The following SPI1 variants were observed in gnomAD, a reference collection of about 807,000 sequenced individuals.
SPI1 encodes Spi-1 proto-oncogene.
SPI1 carries 3 observed loss-of-function variants against 30.7 expected under a neutral mutation model. The ratio of observed to expected loss-of-function variants is 0.10; its 90% confidence interval spans 0.04 to 0.25. SPI1 has a LOEUF of 0.25. SPI1 is among the 10% of genes least tolerant of loss of function. The pLI, the probability that SPI1 is intolerant of heterozygous loss-of-function variation, is 1.00. For synonymous variants in SPI1, 169 were observed against 157.1 expected (o/e 1.08, Z -0.56); for missense variants, 261 against 371.5 (o/e 0.70, Z 2.45).
At position 47,358,971 on chromosome 11, in the gene SPI1, T is replaced by C. The variant is rs1427760269; in HGVS notation, c.366A>G (p.Pro122=). 4 of 1,551,608 alleles carry C rather than the reference T, an allele frequency of 2.6e-6. No homozygotes were observed. Among genetic ancestry groups the C allele is most frequent in the Non-Finnish European group, 3.5e-6 (4 of 1,148,984 alleles). Residue 122 remains proline (P), a synonymous_variant, in exon 4 of 5, where the codon CCA becomes CCG. Transcript: ENST00000378538. ...SYLPRMCLQY[P]SLSPAQPSSD... ...AGCTGGGCTGGGCTGGGGACAGGGA[T>C]GGGTACTGGAGGCACATCCGGGGCA...
chr11:47,370,008 G>T (rs2142894134), intron 2 of SPI1, among the ~76,000 whole-genome samples: 1 of 152,338 alleles, frequency 6.6e-6, no homozygotes, highest in Non-Finnish European at 1.5e-5. Flanking sequence ...TGGAGATCTT[G>T]CCCATGGTCA....
chr11:47,360,242 G>A (rs1246638744), intron 2 of SPI1, among the ~76,000 whole-genome samples: 3 of 152,142 alleles, frequency 2.0e-5, no homozygotes, highest in Admixed American at 1.3e-4. Flanking sequence ...CATGCCCAAG[G>A]TCAAAAGCAT....
intron 4 of SPI1, chr11:47,358,600 C>G: frequency 2.8e-6 from 2 of 704,292 alleles, no homozygotes; most frequent in Non-Finnish European, 5.2e-6. Context: ...TACACACACT[C>G]ATGGCACAGA....
chr11:47,361,192 G>GTC (rs1376065297), intron 2 of SPI1, among the ~76,000 whole-genome samples: 1 of 152,094 alleles, frequency 6.6e-6, no homozygotes. Flanking sequence ...GCTGCCCACA[G>GTC]TCTCTCTCTC....
intron 2 of SPI1, among the ~76,000 whole-genome samples, chr11:47,371,867 C>G (rs1565643922): frequency 2.0e-5 from 3 of 152,130 alleles, no homozygotes; most frequent in Non-Finnish European, 4.4e-5. Flanking sequence ...CCCTTTCTGT[C>G]CCCTGCCCTG....
At chr11:47,355,568 G>A in intron 4 of SPI1, 22 bp from the exon 5 acceptor site, 5 of 1,549,220 alleles carry the variant, frequency 3.2e-6, no homozygotes, top group Non-Finnish European at 4.4e-6. Flanking sequence ...AGGGCCCGGT[G>A]GGAGGGGGCC....
intron 2 of SPI1, among the ~76,000 whole-genome samples, chr11:47,369,905 G>C (rs2095933409): frequency 6.6e-6 from 1 of 152,214 alleles, no homozygotes; most frequent in Non-Finnish European, 1.5e-5. Context: ...TCCAGGCACT[G>C]TTCTAAGCAT....
intron 2 of SPI1, among the ~76,000 whole-genome samples, chr11:47,362,584 T>TG (rs1029255940): frequency 2.0e-5 from 3 of 147,556 alleles, no homozygotes; most frequent in African/African-American, 7.5e-5. Flanking sequence ...TTTTTTTTTT[T>TG]TTTTTTTCTC....
intron 4 of SPI1, 135 bp downstream of exon 4, chr11:47,358,709 A>G: frequency 1.1e-6 from 1 of 902,776 alleles, no homozygotes; most frequent in Non-Finnish European, 1.8e-6. Flanking sequence ...CACAAAACAC[A>G]CACACTGGCA....
chr11:47,369,260 A>G (rs553143948), intron 2 of SPI1, among the ~76,000 whole-genome samples: 59 of 152,292 alleles, frequency 3.9e-4, no homozygotes, highest in African/African-American at 1.3e-3. Flanking sequence ...AAAAAAGCAA[A>G]CAAACAAACA....
intron 4 of SPI1, 40 bp downstream of exon 4, chr11:47,358,804 G>C (rs146054989): frequency 6.5e-7 from 1 of 1,544,898 alleles, no homozygotes; most frequent in Non-Finnish European, 8.7e-7. Context: ...GCACAGACAC[G>C]GCCAGGGTCG....
chr11:47,367,899 A>C (rs1195378391), intron 2 of SPI1, among the ~76,000 whole-genome samples: 1 of 151,640 alleles, frequency 6.6e-6, no homozygotes, highest in African/African-American at 2.4e-5. Context: ...CTGGGACTAC[A>C]GGCACCCACC....
At position 47,359,795 on chromosome 11, in the gene SPI1, C is replaced by T. The variant is rs1341190459; in HGVS notation, c.330+58G>A. On this transcript the variant is annotated intron_variant, in intron 3 of 4. Transcript: ENST00000378538. The surrounding 1 kb of genome is among the most constrained non-coding windows in gnomAD (Gnocchi z 5.1). ...CTGTGTCAGCTTCCTGTGAAGCTCC[C>T]GGGCCCCACCACAGGCCTGGCAGTC... is the stretch of plus-strand genomic sequence containing the variant. 27 of 1,567,572 alleles carry T rather than the reference C, an allele frequency of 1.7e-5. No homozygotes were observed. The highest frequency in any genetic ancestry group is 4.5e-5 in the East Asian group (2 of 44,410).
chr11:47,372,572 C>G (rs937202223), intron 2 of SPI1, among the ~76,000 whole-genome samples: 1 of 151,776 alleles, frequency 6.6e-6, no homozygotes, highest in East Asian at 1.9e-4. Context: ...GCAGGATGGA[C>G]GAGTAGGTGG....
At position 47,359,937 on chromosome 11, in the gene SPI1, C is replaced by T; in HGVS notation, c.246G>A (p.Gln82=). 6.2e-7 allele frequency: 1 copy of T among 1,611,746 alleles called. No individual in the cohort carries two copies. The highest frequency in any genetic ancestry group is 1.3e-5 in the African/African-American group (1 of 75,010). Reference sequence around the variant, plus strand: ...CCAGCTCCATGTGGCGGTAGAGCTGCTGCAGCTGCGGGGGCTGCACGCTCT... The same window carrying T: ...CCAGCTCCATGTGGCGGTAGAGCTGTTGCAGCTGCGGGGGCTGCACGCTCT... ...ELQSVQPPQL[Q]QLYRHMELEQ... is the part of the protein sequence containing the mutation. Residue 82 remains glutamine (Q), a synonymous_variant, in exon 3 of 5, where the codon CAG becomes CAA. Transcript: ENST00000378538. This position sits in a 1 kb window ranked among gnomAD's most constrained non-coding sequence, Gnocchi z 5.1.
rs779182724 is a variant in SPI1, at chr11:47,378,504, C to A, written c.-151G>T. 2.2e-4 allele frequency: 165 copies of A among 745,976 alleles called. No homozygotes were observed. The highest frequency in any genetic ancestry group is 6.0e-4 in the Admixed American group (23 of 38,338). 46.2% of individuals were successfully genotyped at this position (745,976 alleles called of 1,614,324 possible). On this transcript the variant is annotated 5_prime_UTR_variant, in exon 1 of 5. Coordinates refer to ENST00000378538, the MANE Select transcript of SPI1 (RefSeq NM_003120.3). Reference sequence around the variant, plus strand: ...CTGAGCTACAGGAGCCCTGGGTGAGCCCCCTCCCTTGACATTGCAGGGCCA... The same window carrying A: ...CTGAGCTACAGGAGCCCTGGGTGAGACCCCTCCCTTGACATTGCAGGGCCA...
intron 1 of SPI1, among the ~76,000 whole-genome samples, chr11:47,376,700 CAG>C (rs2095942869): frequency 6.6e-6 from 1 of 152,094 alleles, no homozygotes; most frequent in Non-Finnish European, 1.5e-5. Flanking sequence ...GGCACAGACA[CAG>C]GGCCGTGCAC....
In SPI1 at chr11:47,359,119, C is replaced by T; in HGVS notation, c.331-113G>A. 1.1e-6 allele frequency: 1 copy of T among 936,226 alleles called. No individual in the cohort carries two copies. 58.0% of individuals were successfully genotyped at this position (936,226 alleles called of 1,614,324 possible). On this transcript the variant is annotated intron_variant, in intron 3 of 4. Coordinates refer to ENST00000378538, the MANE Select transcript of SPI1 (RefSeq NM_003120.3). This position sits in a 1 kb window ranked among gnomAD's most constrained non-coding sequence, Gnocchi z 5.1. ...GAGTGCAGAGGGCAGGGGACAATGG[C>T]AGGCACAGGAGACTGGAGGAAGAAG...
At chr11:47,378,101 G>A (rs761730592) in intron 1 of SPI1, among the ~76,000 whole-genome samples, 2 of 152,236 alleles carry the variant, frequency 1.3e-5, no homozygotes, top group Admixed American at 6.5e-5. Context: ...CAGCCCCACC[G>A]TGGGCCTGGC....
Sources: gnomAD v4.1 joint callset for allele counts (sites outside exome capture counted in the v4.1 genomes callset) on GRCh38, gnomAD v4.1.1 for gene constraint, Gnocchi (gnomAD v3.1) non-coding constraint, MANE v1.5 for transcripts, NCBI Gene and HGNC (gene_info 2026-07-23, HGNC 2026-07-21) for gene names.